NUSAP1: variants seen among roughly 807,000 people sequenced by gnomAD.
The protein encoded by NUSAP1 is nucleolar and spindle associated protein 1.
NUSAP1 carries 32 observed loss-of-function variants against 52.8 expected under a neutral mutation model. The observed-to-expected ratio is 0.61, with a 90% confidence interval of 0.46 to 0.81. NUSAP1 has a LOEUF of 0.81. Among genes scored for constraint, NUSAP1 ranks in the 40% least tolerant of loss-of-function variants. NUSAP1 has a pLI of 0.00. For missense variants in NUSAP1, 499 were observed against 522.3 expected (o/e 0.96, Z 0.43); for synonymous variants, 195 against 183.1 (o/e 1.06, Z -0.52).
At chr15:41,368,728 C>CTTTTTTTTTTTTTTTTTTTTTTTT (rs57501156) in intron 7 of NUSAP1, among the ~76,000 whole-genome samples, 2 of 77,942 alleles carry the variant, frequency 2.6e-5, no homozygotes, top group African/African-American at 5.3e-5. Context: ...TTATTTTATT[C>CTTTTTTTTTTTTTTTTTTTTTTTT]TTTTTTTTTT....
chr15:41,364,557 AAG>A (rs956973656), intron 6 of NUSAP1, among the ~76,000 whole-genome samples: 6 of 152,158 alleles, frequency 3.9e-5, no homozygotes, highest in Non-Finnish European at 7.4e-5. Flanking sequence ...TTTAAAAAAA[AAG>A]AAAGAAAGAA....
chr15:41,371,002 G>GA (rs1300354671), intron 7 of NUSAP1, among the ~76,000 whole-genome samples: 1 of 152,156 alleles, frequency 6.6e-6, no homozygotes, highest in Non-Finnish European at 1.5e-5. Context: ...TTAAAATGTA[G>GA]AAAAAATACT....
intron 8 of NUSAP1, among the ~76,000 whole-genome samples, chr15:41,373,368 G>A (rs1293655107): frequency 1.3e-5 from 2 of 151,034 alleles, no homozygotes; most frequent in East Asian, 3.9e-4. Flanking sequence ...GGGAGACAGA[G>A]CAAGACTCCG....
chr15:41,373,667 C>T lies in NUSAP1; in HGVS notation c.1006+1983C>T, dbSNP rs939036164. Reference sequence around the variant, plus strand: ...GTGTCACCGTATTGGCCAGGTTGGTCTTGAACTCCTGACCTCGTGATCCGC... The same window carrying T: ...GTGTCACCGTATTGGCCAGGTTGGTTTTGAACTCCTGACCTCGTGATCCGC... On this transcript the variant is annotated intron_variant, in intron 8 of 10. Transcript: ENST00000559596. Among the ~76,000 whole-genome samples the T allele has an allele frequency of 2.9e-4, 44 of 151,850 alleles. 1 individual carries two copies. Among genetic ancestry groups the T allele is most frequent in the Admixed American group, 6.6e-5 (1 of 15,216 alleles).
chr15:41,338,681 C>T (rs1296149888), intron 1 of NUSAP1, among the ~76,000 whole-genome samples: 1 of 152,140 alleles, frequency 6.6e-6, no homozygotes, highest in Admixed American at 6.6e-5. Flanking sequence ...AGGCGCCAGG[C>T]GCAGTGGCTC....
chr15:41,349,336 G>A (rs1039016062), intron 3 of NUSAP1, 95 bp downstream of exon 3: 157 of 1,244,596 alleles, frequency 1.3e-4, no homozygotes, highest in Non-Finnish European at 1.6e-4. Flanking sequence ...GTGATGTCAT[G>A]TGTTTGTAAG....
intron 2 of NUSAP1, among the ~76,000 whole-genome samples, chr15:41,345,944 A>G (rs925292077): frequency 2.2e-4 from 33 of 151,958 alleles, no homozygotes; most frequent in African/African-American, 8.0e-4. Flanking sequence ...CTCTTTATCA[A>G]CCGTCTACTT....
intron 9 of NUSAP1, 144 bp downstream of exon 9, chr15:41,375,972 A>G: frequency 1.7e-6 from 1 of 602,220 alleles, no homozygotes; most frequent in Non-Finnish European, 3.0e-6. Context: ...ATGCTGAGAC[A>G]GGAGAATCAC....
At chr15:41,353,177 GTCTC>G (rs796109803) in intron 4 of NUSAP1, among the ~76,000 whole-genome samples, 3 of 152,194 alleles carry the variant, frequency 2.0e-5, no homozygotes, top group African/African-American at 7.2e-5. Flanking sequence ...TTGAGACAGA[GTCTC>G]TCTCTGTTGC....
At chr15:41,333,073 C>T (rs989815691) in intron 1 of NUSAP1, 23 bp downstream of exon 1, 2 of 1,586,064 alleles carry the variant, frequency 1.3e-6, no homozygotes, top group Non-Finnish European at 1.7e-6. Flanking sequence ...CGGTGCGGGT[C>T]CCTGGGCGGG....
At chr15:41,379,606 G>A (rs969630405) in intron 10 of NUSAP1, among the ~76,000 whole-genome samples, 20 of 152,036 alleles carry the variant, frequency 1.3e-4, no homozygotes, top group Admixed American at 4.6e-4. Context: ...GTGCAGTGGC[G>A]TGATCTCGGC....
intron 6 of NUSAP1, among the ~76,000 whole-genome samples, chr15:41,362,728 C>T: frequency 6.6e-6 from 1 of 151,990 alleles, no homozygotes; most frequent in Non-Finnish European, 1.5e-5. Flanking sequence ...CCGTGCCTGG[C>T]CCCATTGTTT....
In NUSAP1 at chr15:41,356,108, G is replaced by T; in HGVS notation, c.518G>T (p.Gly173Val). 1 of 1,607,082 alleles carries T rather than the reference G, an allele frequency of 6.2e-7. No homozygotes were observed. Among genetic ancestry groups the T allele is most frequent in the Non-Finnish European group, 8.5e-7 (1 of 1,176,858 alleles). Residue 173 changes from glycine (G) to valine (V), a missense_variant, in exon 5 of 11, where the codon GGA becomes GTA. Transcript: ENST00000559596. ...SLYTDESSKP[G>V]KNKRTAITTP... ...TACACAGATGAGTCATCCAAACCTG[G>T]AAAAAATAAAAGAACTGCAATCACT...
In NUSAP1 at chr15:41,356,055, G is replaced by A. The variant is rs781504975; in HGVS notation, c.465G>A (p.Lys155=). 3.1e-6 allele frequency: 5 copies of A among 1,600,874 alleles called. No individual in the cohort carries two copies. The highest frequency in any genetic ancestry group is 3.4e-6 in the Non-Finnish European group (4 of 1,170,922). Residue 155 remains lysine (K), a synonymous_variant, in exon 5 of 11, where the codon AAG becomes AAA. Coordinates refer to ENST00000559596, the MANE Select transcript of NUSAP1 (RefSeq NM_016359.5). ...TGGATTTAGGTAACAGAGATTCAAA[G>A]GTACCTTCAGAAGGAAAGAAATCTC... The part of the protein sequence containing the change: ...NAVSSGNRDS[K]VPSEGKKSLY...
chr15:41,347,989 AAC>A, intron 2 of NUSAP1, among the ~76,000 whole-genome samples: 1 of 151,698 alleles, frequency 6.6e-6, no homozygotes, highest in South Asian at 2.1e-4. Context: ...TACGTGTGGT[AAC>A]ACATACCTGT....
intron 2 of NUSAP1, among the ~76,000 whole-genome samples, chr15:41,346,111 T>G (rs1340114925): frequency 6.6e-6 from 1 of 151,820 alleles, no homozygotes; most frequent in Non-Finnish European, 1.5e-5. Flanking sequence ...CAGCTAATTT[T>G]TGTGTTTTTA....
intron 4 of NUSAP1, among the ~76,000 whole-genome samples, chr15:41,354,912 C>T (rs1197080933): frequency 2.7e-5 from 4 of 150,504 alleles, no homozygotes; most frequent in Admixed American, 1.3e-4. Context: ...CCCAGCTACT[C>T]GGGAGGCTGA....
chr15:41,342,311 G>T, intron 1 of NUSAP1, 75 bp from the exon 2 acceptor site: 1 of 1,022,218 alleles, frequency 9.8e-7, no homozygotes, highest in South Asian at 1.4e-5. Flanking sequence ...ATGAATACAA[G>T]AACAGCAAAA....
chr15:41,369,638 A>C (rs1180288600), intron 7 of NUSAP1, among the ~76,000 whole-genome samples: 1 of 151,944 alleles, frequency 6.6e-6, no homozygotes. Flanking sequence ...ACAAGAGCGA[A>C]ACATTGTCTA....
Sources: allele counts gnomAD v4.1 joint callset (sites outside exome capture counted in the v4.1 genomes callset), GRCh38; gene constraint gnomAD v4.1.1; transcripts MANE v1.5; gene names NCBI Gene and HGNC (gene_info 2026-07-23, HGNC 2026-07-21).